The following KIF15 variants were observed in gnomAD, a reference collection of about 807,000 sequenced individuals.
KIF15 encodes kinesin family member 15.
A neutral mutation model predicts 190.6 loss-of-function variants in KIF15; 140 were observed. The ratio of observed to expected loss-of-function variants is 0.73; its 90% CI spans 0.64 to 0.84. The LOEUF (loss-of-function observed/expected upper bound fraction) is 0.84, where lower values mean the gene tolerates loss of function less well. Among genes scored for constraint, KIF15 ranks in the 40% least tolerant of loss-of-function variants. The pLI, the probability that KIF15 is intolerant of heterozygous loss-of-function variation, is 0.00. For missense variants in KIF15, 1,372 were observed against 1,584.4 expected (o/e 0.87, Z 2.28); for synonymous variants, 528 against 551.3 (o/e 0.96, Z 0.59).
At chr3:44,783,960 A>C (rs895830727) in intron 5 of KIF15, among the ~76,000 whole-genome samples, 1 of 151,940 alleles carries the variant, frequency 6.6e-6, no homozygotes, top group South Asian at 2.1e-4. Flanking sequence ...TTGCATATCC[A>C]CTCTTCCTTT....
intron 20 of KIF15, among the ~76,000 whole-genome samples, chr3:44,824,592 C>A (rs1697540754): frequency 6.6e-6 from 1 of 152,210 alleles, no homozygotes; most frequent in Non-Finnish European, 1.5e-5. Flanking sequence ...ATCTTGGCCT[C>A]AACTCAAACT....
intron 26 of KIF15, among the ~76,000 whole-genome samples, chr3:44,836,763 A>T (rs1364375891): frequency 1.3e-5 from 2 of 152,232 alleles, no homozygotes; most frequent in Non-Finnish European, 2.9e-5. Flanking sequence ...CCAGCGAAGA[A>T]GACTTTAAAT....
chr3:44,847,063 A>T (rs1466700150), intron 30 of KIF15, among the ~76,000 whole-genome samples: 1 of 152,230 alleles, frequency 6.6e-6, no homozygotes, highest in Non-Finnish European at 1.5e-5. Flanking sequence ...CGTTCTTGAC[A>T]GAAGACGTTT....
intron 1 of KIF15, among the ~76,000 whole-genome samples, chr3:44,768,732 G>A (rs900057148): frequency 1.3e-5 from 2 of 151,910 alleles, no homozygotes; most frequent in African/African-American, 4.9e-5. Flanking sequence ...CTGCTGACAG[G>A]GGGTGCTGTG....
intron 25 of KIF15, 86 bp from the exon 26 acceptor site, chr3:44,830,810 A>T (rs1450536909): frequency 3.7e-6 from 5 of 1,344,538 alleles, no homozygotes; most frequent in Non-Finnish European, 5.1e-6. Context: ...TCTTGTCATC[A>T]CCTTGGAACC....
intron 5 of KIF15, 77 bp downstream of exon 5, chr3:44,780,999 G>T: frequency 9.3e-7 from 1 of 1,075,808 alleles, no homozygotes. Context: ...TTGGGGAAAG[G>T]CATAATTTCT....
chr3:44,821,609 G>A (rs568531638), intron 20 of KIF15, among the ~76,000 whole-genome samples: 12 of 151,732 alleles, frequency 7.9e-5, no homozygotes, highest in East Asian at 3.9e-4. Flanking sequence ...ATGGGATGGC[G>A]GCTGGGAAGA....
intron 3 of KIF15, among the ~76,000 whole-genome samples, chr3:44,776,809 T>C (rs950498591): frequency 1.3e-4 from 20 of 152,334 alleles, no homozygotes; most frequent in African/African-American, 4.3e-4. Context: ...TATATGAGTT[T>C]AAATTAATTA....
chr3:44,799,304 C>T (rs1707143328), intron 10 of KIF15: 2 of 456,606 alleles, frequency 4.4e-6, no homozygotes, highest in Admixed American at 2.3e-5. Flanking sequence ...AAGCCCTTTG[C>T]AGCCTATCAG....
intron 1 of KIF15, 28 bp downstream of exon 1, chr3:44,761,912 C>G: frequency 6.2e-7 from 1 of 1,614,144 alleles, no homozygotes; most frequent in Non-Finnish European, 8.5e-7. Context: ...GCTTCGTTAC[C>G]CTATTTTTGC....
intron 6 of KIF15, among the ~76,000 whole-genome samples, chr3:44,866,046 T>G (rs77203618): frequency 2.0e-3 from 300 of 149,718 alleles, no homozygotes; most frequent in African/African-American, 6.6e-3. Context: ...TCCCCTTTGG[T>G]TTTTTTTTGT....
chr3:44,764,355 T>G (rs984723786), intron 1 of KIF15, among the ~76,000 whole-genome samples: 9 of 152,196 alleles, frequency 5.9e-5, no homozygotes, highest in African/African-American at 1.9e-4. Context: ...AATGGTACAG[T>G]ATGTATTCTT....
intron 27 of KIF15, among the ~76,000 whole-genome samples, chr3:44,839,372 CA>C (rs551942287): frequency 6.6e-5 from 9 of 137,186 alleles, no homozygotes; most frequent in Non-Finnish European, 1.1e-4. Flanking sequence ...GACTCCATCT[CA>C]AAAAAAAAAG....
intron 4 of KIF15, 75 bp downstream of exon 4, chr3:44,778,266 A>G (rs1705991282): frequency 1.7e-6 from 2 of 1,165,440 alleles, no homozygotes; most frequent in Non-Finnish European, 1.3e-6. Flanking sequence ...ACAAATTACC[A>G]CAAACGTAGT....
chr3:44,812,343 C>T (rs1239118727), intron 18 of KIF15, 54 bp downstream of exon 18: 1 of 1,237,252 alleles, frequency 8.1e-7, no homozygotes, highest in African/African-American at 1.5e-5. Flanking sequence ...CAAATGTTAC[C>T]TTGAGGAAAC....
At chr3:44,852,461 TAA>T (rs375038429) in intron 34 of KIF15, 122 bp downstream of exon 34, 14,591 of 772,838 alleles carry the variant, frequency 0.019, no homozygotes, top group South Asian at 0.028. Flanking sequence ...CTTCCTGAAT[TAA>T]AAAAAAAAAA....
intron 14 of KIF15, 85 bp downstream of exon 14, chr3:44,803,076 C>T: frequency 8.3e-7 from 1 of 1,198,632 alleles, no homozygotes; most frequent in Non-Finnish European, 1.2e-6. Flanking sequence ...CTAGGGTCTT[C>T]ATTTTAGCCT....
intron 8 of KIF15, among the ~76,000 whole-genome samples, chr3:44,795,038 TAAG>T (rs960914625): frequency 3.2e-4 from 49 of 152,252 alleles, no homozygotes; most frequent in African/African-American, 1.1e-3. Context: ...GGCAAAGAAA[TAAG>T]AAATTGTTCC....
chr3:44,783,493 C>T (rs1392809612), intron 5 of KIF15, among the ~76,000 whole-genome samples: 1 of 152,186 alleles, frequency 6.6e-6, no homozygotes, highest in Non-Finnish European at 1.5e-5. Flanking sequence ...TTGTGCCCCC[C>T]ACACTCCATG....
Sources: gnomAD v4.1 joint callset for allele counts (sites outside exome capture counted in the v4.1 genomes callset) on GRCh38, gnomAD v4.1.1 for gene constraint, MANE v1.5 for transcripts, NCBI Gene and HGNC (gene_info 2026-07-23, HGNC 2026-07-21) for gene names.